The following LCOR variants were observed in gnomAD, a reference collection of about 807,000 sequenced individuals.
LCOR encodes ligand-dependent corepressor.
A neutral mutation model predicts 64.4 loss-of-function variants in LCOR; 14 were observed. The ratio of observed to expected loss-of-function variants is 0.22; its 90% confidence interval spans 0.14 to 0.34. LCOR has a LOEUF of 0.34. Among genes scored for constraint, LCOR ranks in the 10% least tolerant of loss-of-function variants. The probability of loss-of-function intolerance (pLI) is 1.00; values close to 1 mark genes in which losing one functional copy is unlikely to be tolerated. For synonymous variants in LCOR, 643 were observed against 642.5 expected (o/e 1.00, Z -0.01); for missense variants, 1,686 against 1,765.3 (o/e 0.96, Z 0.80).
At chr10:96,842,780 G>A (rs968010647) in intron 2 of LCOR, among the ~76,000 whole-genome samples, 6 of 151,696 alleles carry the variant, frequency 4.0e-5, no homozygotes, top group Non-Finnish European at 8.8e-5. Flanking sequence ...ACAGGCATAT[G>A]CCACCACAGC....
At chr10:96,892,477 G>A (rs963074337) in intron 2 of LCOR, among the ~76,000 whole-genome samples, 21 of 152,156 alleles carry the variant, frequency 1.4e-4, no homozygotes, top group African/African-American at 5.1e-4. Context: ...ATTTGGTATG[G>A]TGAGGTGCCG....
intron 2 of LCOR, among the ~76,000 whole-genome samples, chr10:96,902,720 C>G (rs1447389968): frequency 6.6e-6 from 1 of 152,148 alleles, no homozygotes; most frequent in East Asian, 1.9e-4. Flanking sequence ...GACTTTTAAG[C>G]AAACAACTCC....
chr10:96,887,761 A>G (rs1044780363), intron 2 of LCOR, among the ~76,000 whole-genome samples: 3 of 150,780 alleles, frequency 2.0e-5, no homozygotes, highest in Non-Finnish European at 3.0e-5. Context: ...GCTCACTGCA[A>G]CCTCTGCCTC....
chr10:96,873,752 A>C (rs899761735), intron 2 of LCOR, among the ~76,000 whole-genome samples: 1 of 151,886 alleles, frequency 6.6e-6, no homozygotes, highest in African/African-American at 2.4e-5. Context: ...ACAGGAGCCC[A>C]CCACCACAGT....
chr10:96,839,158 A>T (rs1845495867), intron 2 of LCOR, among the ~76,000 whole-genome samples: 1 of 152,228 alleles, frequency 6.6e-6, no homozygotes, highest in Non-Finnish European at 1.5e-5. Context: ...GGCCATTTGC[A>T]TACCTTTGGA....
At chr10:96,866,764 C>T (rs1336688871) in intron 2 of LCOR, among the ~76,000 whole-genome samples, 1 of 151,758 alleles carries the variant, frequency 6.6e-6, no homozygotes, top group Admixed American at 6.6e-5. Flanking sequence ...TTAGTAGAGA[C>T]GGGGTTTTAC....
At chr10:96,916,364 A>T (rs913772054) in intron 4 of LCOR, among the ~76,000 whole-genome samples, 2 of 151,890 alleles carry the variant, frequency 1.3e-5, no homozygotes, top group Non-Finnish European at 2.9e-5. Flanking sequence ...CAAGCAGATG[A>T]TAAATCTAGT....
chr10:96,969,770 T>C (rs887762646), intron 7 of LCOR, among the ~76,000 whole-genome samples: 7 of 140,954 alleles, frequency 5.0e-5, no homozygotes, highest in African/African-American at 2.0e-4. Context: ...TTTCTTTTTT[T>C]TTTCTTTTTT....
chr10:96,956,887 A>G (rs1847792761), intron 7 of LCOR: 3 of 985,044 alleles, frequency 3.0e-6, no homozygotes, highest in Non-Finnish European at 3.6e-6. Flanking sequence ...TAAGATATTC[A>G]AGATCTCTTT....
intron 2 of LCOR, among the ~76,000 whole-genome samples, chr10:96,875,563 G>A (rs575909066): frequency 1.3e-5 from 2 of 151,958 alleles, no homozygotes; most frequent in South Asian, 2.1e-4. Context: ...TTCAAACCAC[G>A]TGTTTGAAAA....
chr10:96,966,870 G>A (rs1212930077), intron 7 of LCOR, among the ~76,000 whole-genome samples: 1 of 152,176 alleles, frequency 6.6e-6, no homozygotes, highest in African/African-American at 2.4e-5. Context: ...TGAGTAGCTG[G>A]AACTGCAGGC....
chr10:96,858,966 T>C (rs538110407), intron 2 of LCOR, among the ~76,000 whole-genome samples: 20 of 152,328 alleles, frequency 1.3e-4, no homozygotes, highest in South Asian at 1.0e-3. Context: ...TGAGGTTCTT[T>C]TCTCAACCAT....
At chr10:96,832,703 C>T (rs1273997826) in intron 1 of LCOR, among the ~76,000 whole-genome samples, 3 of 151,012 alleles carry the variant, frequency 2.0e-5, no homozygotes, top group East Asian at 4.0e-4. Context: ...TCCCCTCCCT[C>T]CCCGCTCCCG....
Position 96,990,390 on chromosome 10 carries a change from AT to A in LCOR, c.*5270del, listed in dbSNP as rs111407034. The stretch of plus-strand genomic sequence containing the variant: ...AGGTGCATGCCACCACACCCAGTTA[AT>A]TTTTTTTTTTTTTCCAGTTTTAGCA... On this transcript the variant is annotated 3_prime_UTR_variant, in exon 8 of 8. Transcript: ENST00000421806. The A allele has an allele frequency of 0.012, 1,686 of 144,738 alleles. 26 individuals are homozygous for A. The highest frequency in any genetic ancestry group is 0.038 in the African/African-American group (1,501 of 39,686). 9.0% of individuals were successfully genotyped at this position (144,738 alleles called of 1,614,324 possible).
intron 7 of LCOR, among the ~76,000 whole-genome samples, chr10:96,966,222 T>TC (rs1847949174): frequency 9.9e-6 from 1 of 101,302 alleles, no homozygotes; most frequent in African/African-American, 4.9e-5. Context: ...AAAGGACTCT[T>TC]TTTTTTTTTT....
chr10:96,956,411 C>T (rs1847784679), intron 7 of LCOR: 2 of 985,110 alleles, frequency 2.0e-6, no homozygotes, highest in African/African-American at 1.7e-5. Context: ...TTCAACTAAT[C>T]GAAGGATTAA....
chr10:96,924,543 C>T (rs561731340), intron 4 of LCOR, among the ~76,000 whole-genome samples: 9 of 152,000 alleles, frequency 5.9e-5, no homozygotes, highest in African/African-American at 1.7e-4. Flanking sequence ...CGCCCAGCCA[C>T]ATTAAAAAAT....
At chr10:96,869,134 C>T (rs972519548) in intron 2 of LCOR, among the ~76,000 whole-genome samples, 2 of 152,028 alleles carry the variant, frequency 1.3e-5, no homozygotes, top group African/African-American at 4.8e-5. Context: ...TCAAAGCTCG[C>T]AACCTCAAGT....
intron 5 of LCOR, among the ~76,000 whole-genome samples, chr10:96,945,991 A>T (rs1382090945): frequency 2.0e-5 from 3 of 151,596 alleles, no homozygotes. Flanking sequence ...TTACCTTGGA[A>T]TTGGTCTTAG....
Sources: gnomAD v4.1 joint callset for allele counts (sites outside exome capture counted in the v4.1 genomes callset) on GRCh38, gnomAD v4.1.1 for gene constraint, MANE v1.5 for transcripts, NCBI Gene and HGNC (gene_info 2026-07-23, HGNC 2026-07-21) for gene names.